NDST4: variants seen among roughly 807,000 people sequenced by gnomAD.
NDST4 encodes N-deacetylase and N-sulfotransferase 4.
In NDST4, 63 loss-of-function variants were observed where a neutral mutation model predicts 100.8. The observed-to-expected ratio is 0.62, with a 90% CI of 0.51 to 0.77. The LOEUF (loss-of-function observed/expected upper bound fraction) is 0.77, where lower values mean the gene tolerates loss of function less well. NDST4 is among the 30% of genes least tolerant of loss of function. The pLI is 0.00. For missense variants in NDST4, 943 were observed against 1,018.4 expected (o/e 0.93, Z 1.01); for synonymous variants, 377 against 361.8 (o/e 1.04, Z -0.48).
intron 5 of NDST4, 137 bp downstream of exon 5, chr4:114,937,181 C>T: frequency 1.1e-6 from 1 of 890,794 alleles, no homozygotes; most frequent in South Asian, 1.6e-5. Context: ...TAACCAGTCA[C>T]CATTGAGATA....
chr4:114,849,892 C>T (rs905969158), intron 8 of NDST4, among the ~76,000 whole-genome samples: 2 of 151,954 alleles, frequency 1.3e-5, no homozygotes, highest in East Asian at 3.9e-4. Context: ...TTATGAGGGA[C>T]GAGGGGCATC....
intron 2 of NDST4, among the ~76,000 whole-genome samples, chr4:115,073,337 C>T (rs1004770965): frequency 9.9e-5 from 15 of 152,090 alleles, no homozygotes; most frequent in African/African-American, 3.6e-4. Flanking sequence ...GAAATGAATT[C>T]AACTTACCAA....
rs192767994 is a variant in NDST4 at position 114,967,267 on chromosome 4, T to A, written c.1221+3163A>T. 1.2e-3 allele frequency among the ~76,000 whole-genome samples: 189 copies of A among 152,264 alleles called. 2 individuals are homozygous for A. The highest frequency in any genetic ancestry group is 4.1e-3 in the African/African-American group (172 of 41,572). ...GGAAAAGGACAGTGTCATTTCAGTATGATATATGTTTAATGGACTTCATTT... is the reference window on the plus strand; with the variant it reads ...GGAAAAGGACAGTGTCATTTCAGTAAGATATATGTTTAATGGACTTCATTT... On this transcript the variant is annotated intron_variant, in intron 4 of 13. Transcript: ENST00000264363.
chr4:114,948,576 T>G (rs574969170), intron 4 of NDST4, among the ~76,000 whole-genome samples: 59 of 152,258 alleles, frequency 3.9e-4, no homozygotes, highest in Non-Finnish European at 7.2e-4. Flanking sequence ...TATTATATTT[T>G]CATTTTGTTA....
At chr4:114,920,138 T>C (rs1258201262) in intron 6 of NDST4, among the ~76,000 whole-genome samples, 4 of 152,174 alleles carry the variant, frequency 2.6e-5, no homozygotes, top group African/African-American at 7.2e-5. Context: ...TGTATAAATA[T>C]ATATTGACAT....
intron 2 of NDST4, among the ~76,000 whole-genome samples, chr4:114,993,231 A>C (rs963750493): frequency 2.0e-5 from 3 of 151,888 alleles, no homozygotes; most frequent in African/African-American, 7.2e-5. Context: ...GGAATATAGA[A>C]ATGACATCTG....
chr4:115,107,618 C>G (rs1337062576), intron 1 of NDST4, among the ~76,000 whole-genome samples: 1 of 152,060 alleles, frequency 6.6e-6, no homozygotes, highest in Admixed American at 6.6e-5. Flanking sequence ...AATGTGCCAC[C>G]TTGACTTATC....
At chr4:114,879,809 C>A (rs76585538) in intron 6 of NDST4, among the ~76,000 whole-genome samples, 1 of 152,138 alleles carries the variant, frequency 6.6e-6, no homozygotes, top group Non-Finnish European at 1.5e-5. Flanking sequence ...AAAACACTAT[C>A]CTAAAACCCT....
chr4:115,033,155 ATATTTTTTT>A (rs1728157269), intron 2 of NDST4, among the ~76,000 whole-genome samples: 6 of 27,612 alleles, frequency 2.2e-4, no homozygotes, highest in African/African-American at 8.8e-4. Context: ...ATATATATAT[ATATTTTTTT>A]TTTTTTTGAA....
chr4:114,862,636 T>C (rs1723942168), intron 7 of NDST4, among the ~76,000 whole-genome samples: 1 of 152,148 alleles, frequency 6.6e-6, no homozygotes, highest in Admixed American at 6.5e-5. Flanking sequence ...AGTGCACATG[T>C]CTTTGGCATT....
intron 2 of NDST4, among the ~76,000 whole-genome samples, chr4:115,042,614 G>A (rs191816361): frequency 1.3e-5 from 2 of 152,114 alleles, no homozygotes; most frequent in East Asian, 3.9e-4. Flanking sequence ...TTATACGCAT[G>A]TATGTATGTG....
intron 7 of NDST4, among the ~76,000 whole-genome samples, chr4:114,868,416 T>G (rs981524098): frequency 2.0e-5 from 3 of 152,064 alleles, no homozygotes; most frequent in Admixed American, 6.6e-5. Flanking sequence ...AAAGAAGAGA[T>G]AACCACCAGG....
intron 7 of NDST4, among the ~76,000 whole-genome samples, chr4:114,858,428 C>A (rs1723845039): frequency 6.6e-6 from 1 of 152,116 alleles, no homozygotes; most frequent in African/African-American, 2.4e-5. Context: ...GGAAGCATGG[C>A]AGTAGGCATA....
rs771184078 is a variant in NDST4, at chr4:114,827,928, G to A, written c.2507C>T (p.Thr836Met). ...ATCTCGGTAGTAATTAGAGAGGAAC[G>A]TTCTAGACTGGAAAGAAAAAAAGAA... ...KYPPMDPESR[T>M]FLSNYYRDHN... The change falls in exon 14 of 14, where the codon ACG becomes ATG. Residue 836 changes from threonine (T) to methionine (M), a missense_variant. Thr to Met is a moderately conservative substitution (Grantham distance 81, BLOSUM62 -1). Around this residue, in one of 2 missense-constraint regions of NDST4, gnomAD observed 526 missense variants for 634.1 expected, o/e 0.83. Coordinates refer to ENST00000264363, the MANE Select transcript of NDST4 (RefSeq NM_022569.3). 52 of 1,590,198 alleles carry A rather than the reference G, an allele frequency of 3.3e-5. No individual in the cohort carries two copies. Among genetic ancestry groups the A allele is most frequent in the Admixed American group, 5.7e-5 (3 of 52,960 alleles).
At chr4:114,947,997 G>T (rs1207835954) in intron 4 of NDST4, among the ~76,000 whole-genome samples, 1 of 152,010 alleles carries the variant, frequency 6.6e-6, no homozygotes, top group East Asian at 1.9e-4. Context: ...TTATGATTAT[G>T]AACATATTTC....
Position 115,103,239 on chromosome 4 carries a change from T to A in NDST4, c.-247+10205A>T, listed in dbSNP as rs1578523308. On this transcript the variant is annotated intron_variant, in intron 1 of 13. Coordinates refer to ENST00000264363, the MANE Select transcript of NDST4 (RefSeq NM_022569.3). Reference sequence around the variant, plus strand: ...TTTCTAAATTGTCACTTTAAATCTATAATACAAAAAGCTATAAATTTTAAT... The same window carrying A: ...TTTCTAAATTGTCACTTTAAATCTAAAATACAAAAAGCTATAAATTTTAAT... Among the ~76,000 whole-genome samples, 5 of 152,256 alleles carry A rather than the reference T, an allele frequency of 3.3e-5. No individual in the cohort carries two copies. The South Asian group carries it at 1.0e-3, about 32-fold the overall frequency.
Position 115,077,011 on chromosome 4 carries a change from C to T in NDST4, c.26G>A (p.Arg9Lys), listed in dbSNP as rs1308347868. 1 of 1,600,736 alleles carries T rather than the reference C, an allele frequency of 6.2e-7. No individual in the cohort carries two copies. The highest frequency in any genetic ancestry group is 1.3e-5 in the African/African-American group (1 of 74,298). ...GAGAACAATCAATGTTCGAAAACTT[C>T]TCCGAAGTTTCACAATAAGATTCAT... is the stretch of plus-strand genomic sequence containing the variant. MNLIVKLR[R>K]SFRTLIVLLA... Residue 9 changes from arginine (R) to lysine (K), a missense_variant, in exon 2 of 14, where the codon AGA becomes AAA. Physicochemically the swap from Arg to Lys is conservative, Grantham distance 26. Around this residue, in one of 2 missense-constraint regions of NDST4, gnomAD observed 417 missense variants for 384.2 expected, o/e 1.09. Transcript: ENST00000264363.
intron 2 of NDST4, among the ~76,000 whole-genome samples, chr4:114,986,828 A>ATTTTT (rs1192536720): frequency 8.0e-5 from 9 of 112,852 alleles, no homozygotes; most frequent in African/African-American, 3.2e-4. Flanking sequence ...ATATATATAT[A>ATTTTT]TATATTTTAA....
chr4:114,874,189 G>A (rs1045695217), intron 6 of NDST4, among the ~76,000 whole-genome samples: 1 of 152,114 alleles, frequency 6.6e-6, no homozygotes, highest in Non-Finnish European at 1.5e-5. Context: ...GTATCATAAA[G>A]AGTATTTTTA....
Sources: gnomAD v4.1 joint callset for allele counts (sites outside exome capture counted in the v4.1 genomes callset) on GRCh38, gnomAD v4.1.1 for gene constraint, gnomAD v4.1.1 regional missense constraint, MANE v1.5 for transcripts, NCBI Gene and HGNC (gene_info 2026-07-23, HGNC 2026-07-21) for gene names.